The following IGSF11 variants were observed in gnomAD, a reference collection of about 807,000 sequenced individuals.
IGSF11 encodes the protein CXADR like 1.
Under a neutral mutation model 41.0 loss-of-function variants are expected in IGSF11, and 22 were observed. That is an observed-to-expected ratio of 0.54 (90% CI 0.38 to 0.77). IGSF11 has a LOEUF of 0.77. Among genes scored for constraint, IGSF11 ranks in the 30% least tolerant of loss-of-function variants. The pLI is 0.00. For synonymous variants in IGSF11, 219 were observed against 201.3 expected (o/e 1.09, Z -0.74); for missense variants, 444 against 530.8 (o/e 0.84, Z 1.61).
chr3:118,949,044 G>A (rs570921875), intron 1 of IGSF11, among the ~76,000 whole-genome samples: 53 of 150,556 alleles, frequency 3.5e-4, no homozygotes, highest in African/African-American at 1.3e-3. Flanking sequence ...GATAACGAAG[G>A]CAAAGACATC....
At chr3:119,074,246 C>T (rs1224177077) in intron 1 of IGSF11, among the ~76,000 whole-genome samples, 4 of 152,140 alleles carry the variant, frequency 2.6e-5, no homozygotes, top group Non-Finnish European at 4.4e-5. Context: ...TACTCTAAAA[C>T]TGATGACATA....
intron 1 of IGSF11, among the ~76,000 whole-genome samples, chr3:119,021,041 C>T (rs904753980): frequency 3.9e-5 from 6 of 152,028 alleles, no homozygotes; most frequent in African/African-American, 1.4e-4. Flanking sequence ...TAAAAGTTGA[C>T]GAGACACTCT....
chr3:118,904,694 T>G lies in IGSF11; in HGVS notation c.808A>C (p.Ser270Arg). ...LILGAFFYWR[S>R]KNKEEEEEEI... ...TCTTCTTCCTCCTCTTTATTTTTGC[T>G]TCTCCAGTAAAAGAATGCCCCTAAA... The change falls in exon 6 of 7, where the codon AGC becomes CGC. Residue 270 changes from serine to arginine, a missense_variant. Ser to Arg is a moderately radical substitution (Grantham distance 110). Transcript: ENST00000393775. 1.2e-6 allele frequency: 2 copies of G among 1,612,582 alleles called. No individual in the cohort carries two copies. Among genetic ancestry groups the G allele is most frequent in the Non-Finnish European group, 1.7e-6 (2 of 1,179,000 alleles).
intron 1 of IGSF11, among the ~76,000 whole-genome samples, chr3:119,060,322 C>G (rs1486518171): frequency 1.3e-5 from 2 of 152,024 alleles, no homozygotes; most frequent in Non-Finnish European, 2.9e-5. Flanking sequence ...CATCAGAGAT[C>G]TTTTTAAACC....
intron 1 of IGSF11, among the ~76,000 whole-genome samples, chr3:119,044,791 A>G (rs1414689882): frequency 2.6e-5 from 4 of 152,226 alleles, no homozygotes; most frequent in African/African-American, 9.6e-5. Context: ...AGAATTTTGT[A>G]TCCAGCAAAA....
intron 4 of IGSF11, among the ~76,000 whole-genome samples, chr3:118,914,448 C>G (rs957403098): frequency 1.3e-5 from 2 of 151,248 alleles, no homozygotes; most frequent in Non-Finnish European, 3.0e-5. Flanking sequence ...ACCTGGGAAG[C>G]GCAAGGGGTC....
chr3:119,048,264 GA>G (rs1189895862), intron 1 of IGSF11, among the ~76,000 whole-genome samples: 3 of 151,568 alleles, frequency 2.0e-5, no homozygotes, highest in East Asian at 1.9e-4. Context: ...GACAAATAAA[GA>G]AAAAAAGAGA....
At chr3:119,040,544 T>A (rs960124899) in intron 1 of IGSF11, among the ~76,000 whole-genome samples, 3 of 152,200 alleles carry the variant, frequency 2.0e-5, no homozygotes, top group Non-Finnish European at 2.9e-5. Flanking sequence ...AAATAAAAAA[T>A]TTAAAAGACA....
intron 1 of IGSF11, among the ~76,000 whole-genome samples, chr3:119,010,131 T>C (rs1335317847): frequency 6.6e-6 from 1 of 152,142 alleles, no homozygotes; most frequent in African/African-American, 2.4e-5. Flanking sequence ...CGCTGTGAAG[T>C]GTCAATTTGT....
chr3:118,966,553 T>C (rs1945687973), intron 1 of IGSF11, among the ~76,000 whole-genome samples: 1 of 152,204 alleles, frequency 6.6e-6, no homozygotes, highest in South Asian at 2.1e-4. Flanking sequence ...CATTTAACAA[T>C]GTGCTTACTA....
chr3:119,145,989 C>T (rs773650712), exon 1 of IGSF11: 92 of 568,476 alleles, frequency 1.6e-4, no homozygotes, highest in Admixed American at 5.6e-4. Flanking sequence ...GTACTCCCTG[C>T]GCTCGCCTGC....
chr3:118,909,818 G>T (rs893711166), intron 4 of IGSF11, among the ~76,000 whole-genome samples: 1 of 152,200 alleles, frequency 6.6e-6, no homozygotes, highest in Non-Finnish European at 1.5e-5. Flanking sequence ...GTATACTGCA[G>T]AGCAACATTC....
chr3:119,043,616 T>C (rs1369006043), intron 1 of IGSF11, among the ~76,000 whole-genome samples: 3 of 152,140 alleles, frequency 2.0e-5, no homozygotes, highest in Non-Finnish European at 4.4e-5. Flanking sequence ...AAAAACTTGG[T>C]TGCAAAAAAC....
At chr3:119,031,388 G>A (rs1432426884) in intron 1 of IGSF11, among the ~76,000 whole-genome samples, 3 of 152,176 alleles carry the variant, frequency 2.0e-5, no homozygotes, top group Non-Finnish European at 4.4e-5. Flanking sequence ...ATTACTCACT[G>A]CAACTAAAGA....
intron 1 of IGSF11, among the ~76,000 whole-genome samples, chr3:118,990,601 G>T (rs1935699775): frequency 6.6e-6 from 1 of 152,128 alleles, no homozygotes; most frequent in Admixed American, 6.5e-5. Context: ...AAATGGAGAA[G>T]AAAAATGGAT....
At chr3:119,120,373 T>C (rs2077316189) in intron 1 of IGSF11, among the ~76,000 whole-genome samples, 2 of 152,386 alleles carry the variant, frequency 1.3e-5, no homozygotes, top group East Asian at 3.9e-4. Context: ...GTATATACCC[T>C]GGTTCTTCGT....
intron 1 of IGSF11, among the ~76,000 whole-genome samples, chr3:119,128,196 T>C (rs2077429356): frequency 6.6e-6 from 1 of 152,004 alleles, no homozygotes; most frequent in Non-Finnish European, 1.5e-5. Context: ...CTATATCTAT[T>C]AAAAATACAA....
chr3:118,940,200 A>G (rs1943578262), intron 1 of IGSF11, among the ~76,000 whole-genome samples: 1 of 152,196 alleles, frequency 6.6e-6, no homozygotes, highest in South Asian at 2.1e-4. Flanking sequence ...TAAGGCAAGA[A>G]TAAGAATTAA....
At chr3:118,983,405 A>G (rs1183424233) in intron 1 of IGSF11, 1 of 152,212 alleles carries the variant, frequency 6.6e-6, no homozygotes, top group Non-Finnish European at 1.5e-5. Context: ...CTTCTCAAAT[A>G]TACAAGACAC....
Sources: allele counts gnomAD v4.1 joint callset (sites outside exome capture counted in the v4.1 genomes callset), GRCh38; gene constraint gnomAD v4.1.1; transcripts MANE v1.5; gene names NCBI Gene and HGNC (gene_info 2026-07-23, HGNC 2026-07-21).